DNAH9: variants seen among roughly 807,000 people sequenced by gnomAD.
DNAH9 encodes the protein DNAH9 variant protein.
A neutral mutation model predicts 471.6 loss-of-function variants in DNAH9; 345 were observed. That is an observed-to-expected ratio of 0.73 (90% CI 0.67 to 0.80). The LOEUF (loss-of-function observed/expected upper bound fraction) is 0.80, where lower values mean the gene tolerates loss of function less well. DNAH9 is among the 30% of genes least tolerant of loss of function. The pLI is 0.00. For synonymous variants in DNAH9, 2,093 were observed against 2,123.6 expected, an observed-to-expected ratio of 0.99 and a Z score of 0.40; for missense variants, 5,407 against 5,609.2, an observed-to-expected ratio of 0.96 and a Z score of 1.15.
chr17:11,632,824 C>A (rs907209900), intron 8 of DNAH9, 121 bp downstream of exon 8: 17 of 556,542 alleles, frequency 3.1e-5, no homozygotes, highest in African/African-American at 2.6e-4. Flanking sequence ...TCTTATTAAT[C>A]TAGTAGAGAA....
intron 65 of DNAH9, among the ~76,000 whole-genome samples, chr17:11,934,709 C>T (rs541357740): frequency 1.5e-4 from 23 of 152,226 alleles, no homozygotes; most frequent in African/African-American, 4.6e-4. Flanking sequence ...ACCTGGGCCT[C>T]CCAAAGTGCT....
At chr17:11,686,302 T>G (rs1292630043) in intron 19 of DNAH9, among the ~76,000 whole-genome samples, 1 of 152,130 alleles carries the variant, frequency 6.6e-6, no homozygotes, top group Non-Finnish European at 1.5e-5. Context: ...AGCGCCGTAT[T>G]TTCATTTCTT....
At position 11,652,855 on chromosome 17, in the gene DNAH9, C is replaced by T. The variant is rs771697134; in HGVS notation, c.2448C>T (p.Asn816=). ...KTKDNVEEIQ[N]IMKTWVTPIF... The stretch of plus-strand genomic sequence containing the variant: ...AAGACAATGTGGAAGAGATCCAAAA[C>T]ATCATGAAAACATGGGTGACTCCAA... Residue 816 remains asparagine (N), a synonymous_variant, in exon 14 of 69, where the codon AAC becomes AAT. Transcript: ENST00000262442. 1.2e-6 allele frequency: 2 copies of T among 1,613,944 alleles called. No homozygotes were observed. Among genetic ancestry groups the T allele is most frequent in the South Asian group, 1.1e-5 (1 of 91,066 alleles).
intron 39 of DNAH9, among the ~76,000 whole-genome samples, chr17:11,783,395 C>T (rs150983561): frequency 1.2e-4 from 18 of 152,290 alleles, no homozygotes; most frequent in Non-Finnish European, 2.2e-4. Flanking sequence ...TGGTATGGCA[C>T]GAACCCCTGA....
intron 59 of DNAH9, among the ~76,000 whole-genome samples, chr17:11,896,471 T>C (rs1035198004): frequency 6.6e-6 from 1 of 152,266 alleles, no homozygotes; most frequent in African/African-American, 2.4e-5. Flanking sequence ...TGCCAATCTC[T>C]GATCCAAATA....
rs957946042 is a variant in DNAH9, at chr17:11,626,189, G to A, written c.1351-3228G>A. Among the ~76,000 whole-genome samples, 6 of 152,040 alleles carry A rather than the reference G, an allele frequency of 3.9e-5. No homozygotes were observed. The highest frequency in any genetic ancestry group is 7.4e-5 in the Non-Finnish European group (5 of 68,008). ...GCCGGTGTATAACATGATGAATTTCGTGTTTAGTACTGTGATGAATAAAAA... is the reference window on the plus strand; with the variant it reads ...GCCGGTGTATAACATGATGAATTTCATGTTTAGTACTGTGATGAATAAAAA... On this transcript the variant is annotated intron_variant, in intron 6 of 68. Coordinates refer to ENST00000262442, the MANE Select transcript of DNAH9 (RefSeq NM_001372.4). The surrounding 1 kb of genome is among the most constrained non-coding windows in gnomAD (Gnocchi z 4.3).
chr17:11,781,283 C>T, intron 39 of DNAH9, 109 bp downstream of exon 39: 1 of 1,183,296 alleles, frequency 8.5e-7, no homozygotes, highest in Non-Finnish European at 1.1e-6. Flanking sequence ...AGCTCTGGTG[C>T]CAGATGGGAA....
intron 15 of DNAH9, among the ~76,000 whole-genome samples, chr17:11,666,393 T>G (rs1444074988): frequency 2.0e-5 from 3 of 152,130 alleles, no homozygotes; most frequent in Non-Finnish European, 4.4e-5. Context: ...TGTCCACTTG[T>G]GGGAAGGACA....
chr17:11,924,113 C>T (rs1974233033), intron 62 of DNAH9, among the ~76,000 whole-genome samples, 172 bp downstream of exon 62: 1 of 152,146 alleles, frequency 6.6e-6, no homozygotes, highest in Non-Finnish European at 1.5e-5. Flanking sequence ...ATGTTCTCTT[C>T]CCCAGACCAC....
At chr17:11,959,730 G>A (rs1975920523) in intron 67 of DNAH9, among the ~76,000 whole-genome samples, 1 of 152,210 alleles carries the variant, frequency 6.6e-6, no homozygotes, top group African/African-American at 2.4e-5. Context: ...TACATCCCAT[G>A]GAGCCTTGAT....
intron 58 of DNAH9, among the ~76,000 whole-genome samples, chr17:11,893,306 T>C (rs570679172): frequency 3.3e-5 from 5 of 152,250 alleles, no homozygotes; most frequent in Non-Finnish European, 5.9e-5. Context: ...TTTTTCCATT[T>C]CCTACTCCAT....
intron 57 of DNAH9, among the ~76,000 whole-genome samples, chr17:11,887,915 C>T (rs150568024): frequency 3.3e-3 from 505 of 152,226 alleles, no homozygotes; most frequent in Non-Finnish European, 5.1e-3. Context: ...TTAATCATTT[C>T]CCAATCTTAT....
intron 24 of DNAH9, among the ~76,000 whole-genome samples, chr17:11,701,476 T>G (rs2074593802): frequency 6.6e-6 from 1 of 152,158 alleles, no homozygotes; most frequent in Admixed American, 6.5e-5. Context: ...CTTTTTGCCC[T>G]CATTGGCTAC....
chr17:11,695,636 G>A (rs770461729), intron 22 of DNAH9, among the ~76,000 whole-genome samples: 3 of 152,180 alleles, frequency 2.0e-5, no homozygotes, highest in Non-Finnish European at 4.4e-5. Flanking sequence ...GGTATTTGGA[G>A]CTACAGACAC....
intron 67 of DNAH9, among the ~76,000 whole-genome samples, chr17:11,945,090 T>TC (rs1368992145): frequency 6.6e-6 from 1 of 152,052 alleles, no homozygotes; most frequent in Non-Finnish European, 1.5e-5. Context: ...GTGGGGCAAG[T>TC]CCCTGAGATG....
intron 35 of DNAH9, among the ~76,000 whole-genome samples, chr17:11,762,757 C>T (rs548607998): frequency 5.4e-5 from 3 of 55,944 alleles, no homozygotes; most frequent in Non-Finnish European, 1.4e-4. Flanking sequence ...TCTTTAGGTG[C>T]GTTTTTTTTT....
At chr17:11,853,411 T>C (rs1318044359) in intron 49 of DNAH9, among the ~76,000 whole-genome samples, 2 of 152,202 alleles carry the variant, frequency 1.3e-5, no homozygotes, top group Non-Finnish European at 2.9e-5. Context: ...CTTTCAGCCG[T>C]GTCTTTCTGG....
intron 35 of DNAH9, among the ~76,000 whole-genome samples, chr17:11,760,912 GC>G (rs1967639003): frequency 6.6e-6 from 1 of 152,226 alleles, no homozygotes; most frequent in Admixed American, 6.5e-5. Flanking sequence ...ACAGGCACTT[GC>G]TTTAAAGCCT....
intron 4 of DNAH9, among the ~76,000 whole-genome samples, chr17:11,612,999 G>A (rs2072668938): frequency 6.6e-6 from 1 of 152,170 alleles, no homozygotes; most frequent in Admixed American, 6.5e-5. Context: ...CATGGAGTTT[G>A]CAAACATCTT....
Sources: gnomAD v4.1 joint callset for allele counts (sites outside exome capture counted in the v4.1 genomes callset) on GRCh38, gnomAD v4.1.1 for gene constraint, Gnocchi (gnomAD v3.1) non-coding constraint, MANE v1.5 for transcripts, NCBI Gene and HGNC (gene_info 2026-07-23, HGNC 2026-07-21) for gene names.